Variants in BUB1 observed in about 807,000 individuals in gnomAD.
The protein encoded by BUB1 is BUB1 mitotic checkpoint serine/threonine kinase, also known as mitotic checkpoint serine/threonine-protein kinase BUB1.
BUB1 carries 84 observed loss-of-function variants against 135.2 expected under a neutral mutation model. That is an observed-to-expected ratio of 0.62 (90% CI 0.52 to 0.74). The LOEUF (loss-of-function observed/expected upper bound fraction) is 0.74. BUB1 is among the 30% of genes least tolerant of loss of function. BUB1 has a pLI of 0.00. For missense variants in BUB1, 1,162 were observed against 1,288.3 expected (o/e 0.90, Z 1.50); for synonymous variants, 403 against 434.4 (o/e 0.93, Z 0.90).
Position 110,658,466 on chromosome 2 carries a change from T to C in BUB1, c.1460A>G (p.Lys487Arg), listed in dbSNP as rs758773322. The change falls in exon 13 of 25, where the codon AAA becomes AGA. Residue 487 changes from lysine (K) to arginine (R), a missense_variant. Coordinates refer to ENST00000302759, the MANE Select transcript of BUB1 (RefSeq NM_004336.5). ...TTGATCTAGAGATTGCCATTCATCT[T>C]TGTCATCAGAAATATCAGGAAGTGT... The part of the protein sequence containing the change: ...APTLPDISDD[K>R]DEWQSLDQNE... 1 of 1,614,134 alleles carries C rather than the reference T, an allele frequency of 6.2e-7. No individual in the cohort carries two copies. Among genetic ancestry groups the C allele is most frequent in the Non-Finnish European group, 8.5e-7 (1 of 1,180,016 alleles).
chr2:110,665,372 G>C (rs1690217368), intron 9 of BUB1, among the ~76,000 whole-genome samples: 1 of 152,044 alleles, frequency 6.6e-6, no homozygotes, highest in Non-Finnish European at 1.5e-5. Flanking sequence ...GAGCCCAGGA[G>C]TTTGACACCA....
chr2:110,641,001 A>T, intron 23 of BUB1, 33 bp downstream of exon 23: 1 of 1,518,790 alleles, frequency 6.6e-7, no homozygotes, highest in South Asian at 1.4e-5. Flanking sequence ...AACACAGAAA[A>T]ATATTTCCAA....
chr2:110,641,881 A>G (rs2104515254), intron 20 of BUB1, 78 bp from the exon 21 acceptor site: 5 of 1,449,016 alleles, frequency 3.5e-6, no homozygotes, highest in South Asian at 2.6e-5. Context: ...CTCTATCCCA[A>G]TAAAAGATGT....
rs770283348 is a variant in BUB1, at chr2:110,655,894, T to C, written c.1721A>G (p.Glu574Gly). ...CCATACAGTTGAGTCATCCAAAAAC[T>C]CTTCAGCATGAGGCACTTCCTCCTA... ...KPKEEVPHAE[E>G]FLDDSTVWGI... Residue 574 changes from glutamate to glycine, a missense_variant, in exon 16 of 25, where the codon GAG becomes GGG. By Grantham distance (98) the Glu-to-Gly change is moderately conservative. Transcript: ENST00000302759. 1 of 1,613,198 alleles carries C rather than the reference T, an allele frequency of 6.2e-7. No individual in the cohort carries two copies. The highest frequency in any genetic ancestry group is 8.5e-7 in the Non-Finnish European group (1 of 1,179,422).
In BUB1 at chr2:110,639,873, T is replaced by C. The variant is rs191275100; in HGVS notation, c.2956-25A>G. On this transcript the variant is annotated intron_variant, in intron 23 of 24. Transcript: ENST00000302759. Reference sequence around the variant, plus strand: ...TCTATGAAGAAGATAGAGGTATATATGACTTAAATAGTAATTTACACATGA... The same window carrying C: ...TCTATGAAGAAGATAGAGGTATATACGACTTAAATAGTAATTTACACATGA... 3.1e-5 allele frequency: 48 copies of C among 1,560,402 alleles called. 1 individual carries two copies. The highest frequency in any genetic ancestry group is 6.2e-6 in the Non-Finnish European group (7 of 1,130,996).
At chr2:110,669,200 G>C (rs1034093757) in intron 6 of BUB1, among the ~76,000 whole-genome samples, 6 of 152,174 alleles carry the variant, frequency 3.9e-5, no homozygotes, top group African/African-American at 1.4e-4. Flanking sequence ...GGGAAAAGCT[G>C]GTGGGGAGAG....
chr2:110,669,732 TG>T (rs113034681), intron 5 of BUB1, among the ~76,000 whole-genome samples, 179 bp from the exon 6 acceptor site: 58 of 152,342 alleles, frequency 3.8e-4, no homozygotes, highest in African/African-American at 1.3e-3. Context: ...TACAATTTTC[TG>T]ATCAACTCAA....
intron 19 of BUB1, 24 bp downstream of exon 19, chr2:110,649,210 T>G (rs1433076219): frequency 6.3e-7 from 1 of 1,591,112 alleles, no homozygotes; most frequent in Non-Finnish European, 8.6e-7. Flanking sequence ...GAATTTAAAG[T>G]TATATTATCC....
rs200481903 is a variant in BUB1 at position 110,641,769 on chromosome 2, A to G, written c.2498T>C (p.Ile833Thr). 9 of 1,608,794 alleles carry G rather than the reference A, an allele frequency of 5.6e-6. No homozygotes were observed. The highest frequency in any genetic ancestry group is 4.5e-5 in the East Asian group (2 of 44,886). Reference sequence around the variant, plus strand: ...TAGTCTTTCCATCAACTGGGTCCCAATGTAGAATTCCCAGGGGTTGGCAGG... The same window carrying G: ...TAGTCTTTCCATCAACTGGGTCCCAGTGTAGAATTCCCAGGGGTTGGCAGG... ...QKPANPWEFY[I>T]GTQLMERLKP... Residue 833 changes from isoleucine to threonine, a missense_variant, in exon 21 of 25, where the codon ATT becomes ACT. Physicochemically the swap from Ile to Thr is moderately conservative, Grantham distance 89. Transcript: ENST00000302759.
Position 110,666,284 on chromosome 2 carries a change from G to A in BUB1, c.936C>T (p.Pro312=), listed in dbSNP as rs145203307. Residue 312 remains proline (P), a synonymous_variant, in exon 9 of 25, where the codon CCC becomes CCT. Coordinates refer to ENST00000302759, the MANE Select transcript of BUB1 (RefSeq NM_004336.5). ...QVVETSHEDL[P]ASQERSEVNP... is the part of the protein sequence containing the mutation. ...ATACCTCGGACCTTTCCTGGGAAGCGGGCAGATCCTCATGGGATGTCTCCA... is the reference window on the plus strand; with the variant it reads ...ATACCTCGGACCTTTCCTGGGAAGCAGGCAGATCCTCATGGGATGTCTCCA... 86 of 1,460,304 alleles carry A rather than the reference G, an allele frequency of 5.9e-5. No homozygotes were observed. Among genetic ancestry groups the A allele is most frequent in the Non-Finnish European group, 6.7e-5 (74 of 1,099,540 alleles). The allele number at this position is 1,460,304 out of a possible 1,614,324, so 90.5% of individuals were successfully genotyped here.
In BUB1 at chr2:110,637,898, AAC is replaced by A; in HGVS notation, c.*64_*65del. On this transcript the variant is annotated 3_prime_UTR_variant, in exon 25 of 25. Transcript: ENST00000302759. ...TTACATAAACAATAAATGAAAAAAA[AAC>A]AGGTTTAAAGTGAGCAGATTCATAT... 1 of 1,118,902 alleles carries A rather than the reference AAC, an allele frequency of 8.9e-7. No homozygotes were observed. The highest frequency in any genetic ancestry group is 1.2e-6 in the Non-Finnish European group (1 of 833,690). 69.3% of individuals were successfully genotyped at this position (1,118,902 alleles called of 1,614,324 possible). A position where few individuals can be genotyped will look rare whatever the true frequency, so the allele number is the denominator to read the frequency against.
In BUB1 at chr2:110,677,978, A is replaced by G; in HGVS notation, c.18T>C (p.Asn6=). Residue 6 remains asparagine, a synonymous_variant, in exon 1 of 25, where the codon AAT becomes AAC. Coordinates refer to ENST00000302759, the MANE Select transcript of BUB1 (RefSeq NM_004336.5). ...ACCAGACGGACACTTACTGAAGGAC[A>G]TTTTCCGGGGTGTCCATGGCCAGAG... The part of the protein sequence containing the change: MDTPE[N]VLQMLEAHMQ... 1 of 1,609,286 alleles carries G rather than the reference A, an allele frequency of 6.2e-7. No homozygotes were observed. The highest frequency in any genetic ancestry group is 1.7e-4 in the Middle Eastern group (1 of 5,912).
Position 110,661,780 on chromosome 2 carries a change from A to C in BUB1, c.1019T>G (p.Leu340Arg). The change falls in exon 10 of 25, where the codon CTT (leucine) becomes CGT (arginine). Residue 340 changes from leucine to arginine, a missense_variant. By Grantham distance (102) the Leu-to-Arg change is moderately radical. Transcript: ENST00000302759. ...GSQQELRAPC[L>R]PVTYQQTPVN... is the part of the protein sequence containing the mutation. ...TGGTGTCTGCTGATAGGTTACTGGA[A>C]GACATGGCGCTCTCAGTTCCTGCTG... 6.2e-7 allele frequency: 1 copy of C among 1,614,226 alleles called. No individual in the cohort carries two copies. The highest frequency in any genetic ancestry group is 8.5e-7 in the Non-Finnish European group (1 of 1,180,038).
At chr2:110,646,596 C>T (rs1055946201) in intron 19 of BUB1, among the ~76,000 whole-genome samples, 4 of 152,068 alleles carry the variant, frequency 2.6e-5, no homozygotes, top group Non-Finnish European at 5.9e-5. Context: ...TTTAAAAGAA[C>T]AGAAATCATA....
intron 10 of BUB1, chr2:110,661,159 CAT>C (rs1690071788): frequency 6.5e-6 from 1 of 154,898 alleles, no homozygotes; most frequent in Non-Finnish European, 1.4e-5. Context: ...GAGACAGAAT[CAT>C]GTGTATTAAT....
intron 19 of BUB1, among the ~76,000 whole-genome samples, chr2:110,646,732 A>G (rs1378587100): frequency 6.6e-6 from 1 of 152,200 alleles, no homozygotes; most frequent in African/African-American, 2.4e-5. Context: ...TGGAAATACA[A>G]TTTACCAAAA....
intron 6 of BUB1, among the ~76,000 whole-genome samples, chr2:110,668,217 A>T: frequency 6.6e-6 from 1 of 151,718 alleles, no homozygotes; most frequent in South Asian, 2.1e-4. Flanking sequence ...TTTTTTTTTT[A>T]ATTAAAATTT....
intron 3 of BUB1, among the ~76,000 whole-genome samples, chr2:110,673,845 T>G (rs897812471): frequency 6.6e-6 from 1 of 152,184 alleles, no homozygotes; most frequent in African/African-American, 2.4e-5. Context: ...GTGATCGACC[T>G]GCCTTGGCCT....
At chr2:110,639,109 G>T (rs756688691) in intron 24 of BUB1, among the ~76,000 whole-genome samples, 4 of 151,958 alleles carry the variant, frequency 2.6e-5, no homozygotes, top group Non-Finnish European at 2.9e-5. Context: ...GAATATGCAG[G>T]TACCAAATAC....
Sources: allele counts gnomAD v4.1 joint callset (sites outside exome capture counted in the v4.1 genomes callset), GRCh38; gene constraint gnomAD v4.1.1; transcripts MANE v1.5; gene names NCBI Gene and HGNC (gene_info 2026-07-23, HGNC 2026-07-21).